PON1: variants seen among roughly 807,000 people sequenced by gnomAD.
The protein encoded by PON1 is serum paraoxonase/arylesterase 1.
In PON1, 37 loss-of-function variants were observed where a neutral mutation model predicts 39.2. The ratio of observed to expected loss-of-function variants is 0.94; its 90% confidence interval spans 0.73 to 1.24. The LOEUF (loss-of-function observed/expected upper bound fraction) is 1.24, where lower values mean the gene tolerates loss of function less well. Among genes scored for constraint, PON1 ranks in the 50% most tolerant of loss-of-function variants. PON1 has a pLI of 0.00. For missense variants in PON1, 397 were observed against 413.5 expected, an observed-to-expected ratio of 0.96 and a Z score of 0.35; for synonymous variants, 148 against 152.2, an observed-to-expected ratio of 0.97 and a Z score of 0.21.
chr7:95,313,760 T>C (rs1807706619), intron 4 of PON1, among the ~76,000 whole-genome samples: 1 of 151,980 alleles, frequency 6.6e-6, no homozygotes. Flanking sequence ...AAGTGTCCAG[T>C]AAGCACCTGC....
intron 7 of PON1, 136 bp from the exon 8 acceptor site, chr7:95,302,469 A>C: frequency 1.3e-6 from 1 of 742,876 alleles, no homozygotes; most frequent in Non-Finnish European, 2.2e-6. Context: ...ATTCTGCCCC[A>C]TTTCAATAAG....
At chr7:95,317,666 T>C (rs1376914625) in intron 2 of PON1, among the ~76,000 whole-genome samples, 1 of 151,854 alleles carries the variant, frequency 6.6e-6, no homozygotes, top group Non-Finnish European at 1.5e-5. Context: ...ACAAAGCTGG[T>C]TGGTTGGAAC....
At chr7:95,308,296 T>C (rs1480056548) in intron 5 of PON1, 85 bp from the exon 6 acceptor site, 1 of 1,303,152 alleles carries the variant, frequency 7.7e-7, no homozygotes, top group Non-Finnish European at 1.1e-6. Flanking sequence ...TCACTGTCTA[T>C]TCCTAAAATC....
rs1030918909 is a variant in PON1, at chr7:95,318,542, C to A, written c.75-149G>T. On this transcript the variant is annotated intron_variant, in intron 1 of 8. Transcript: ENST00000222381. ...TTTCCTGCAATTTTTCCAGGCAAGG[C>A]CAGGGCAAGACAAGTGGGGAACTCT... 14 of 693,212 alleles carry A rather than the reference C, an allele frequency of 2.0e-5. No homozygotes were observed. In the South Asian group the frequency reaches 2.2e-4, roughly 11 times the overall value. The allele number at this position is 693,212 out of a possible 1,614,324, so 42.9% of individuals were successfully genotyped here.
chr7:95,303,241 A>G (rs1807470950), intron 7 of PON1, among the ~76,000 whole-genome samples: 1 of 152,176 alleles, frequency 6.6e-6, no homozygotes. Context: ...TGTTCCTCAC[A>G]TGCCCAAGGA....
At chr7:95,323,931 G>A in intron 1 of PON1, among the ~76,000 whole-genome samples, 1 of 152,272 alleles carries the variant, frequency 6.6e-6, no homozygotes, top group East Asian at 1.9e-4. Flanking sequence ...GGGTCCACAC[G>A]CAGTTTTGCT....
chr7:95,320,382 G>A (rs1195815979), intron 1 of PON1, among the ~76,000 whole-genome samples: 3 of 152,206 alleles, frequency 2.0e-5, no homozygotes, highest in Non-Finnish European at 4.4e-5. Context: ...GGAGCCCAGG[G>A]TGGGCAAGGG....
At chr7:95,316,691 AG>A (rs1807775928) in intron 3 of PON1, 42 bp downstream of exon 3, 1 of 1,559,076 alleles carries the variant, frequency 6.4e-7, no homozygotes, top group African/African-American at 1.4e-5. Context: ...TGCCAGTCCT[AG>A]AAAACGTTCT....
chr7:95,315,443 T>G lies in PON1; in HGVS notation c.249A>C (p.Gly83=), dbSNP rs1331807479. 6.2e-7 allele frequency: 1 copy of G among 1,614,118 alleles called. No homozygotes were observed. Among genetic ancestry groups the G allele is most frequent in the Admixed American group, 1.7e-5 (1 of 60,018 alleles). ...CATTCAGGTCCATCAGAAGTATTTT[T>G]CCAGGACTGTTGGGGTTGAAGCTCT... The part of the protein sequence containing the change: ...GIKSFNPNSP[G]KILLMDLNEE... The change falls in exon 4 of 9, where the codon GGA becomes GGC. Residue 83 remains glycine (G), a synonymous_variant. Transcript: ENST00000222381.
At chr7:95,307,484 C>T (rs1339435885) in intron 6 of PON1, among the ~76,000 whole-genome samples, 2 of 152,184 alleles carry the variant, frequency 1.3e-5, no homozygotes, top group Non-Finnish European at 2.9e-5. Context: ...ATGCAGTCTC[C>T]AGACCAATGT....
At position 95,315,500 on chromosome 7, in the gene PON1, C is replaced by G. The variant is rs760475832; in HGVS notation, c.202-10G>C. On this transcript the variant is annotated splice_polypyrimidine_tract_variant and intron_variant, in intron 3 of 8. Coordinates refer to ENST00000222381, the MANE Select transcript of PON1 (RefSeq NM_000446.7). ...CAGGATACTTTAATCCCTTATAAAC[C>G]ATGGAGGAGAAAAATCAAGCACAAT... The G allele has an allele frequency of 1.2e-6, 2 of 1,613,148 alleles. No homozygotes were observed.
intron 4 of PON1, 119 bp from the exon 5 acceptor site, chr7:95,311,696 T>C: frequency 1.9e-6 from 2 of 1,062,086 alleles, no homozygotes; most frequent in Non-Finnish European, 2.8e-6. Context: ...GCAGATGGAA[T>C]ATTTTCATCT....
intron 6 of PON1, 137 bp downstream of exon 6, chr7:95,307,874 A>G (rs1807573524): frequency 5.5e-6 from 5 of 901,896 alleles, no homozygotes; most frequent in Non-Finnish European, 8.6e-6. Flanking sequence ...AAAAATTAAG[A>G]CATTTTACAT....
chr7:95,311,403 C>A lies in PON1; in HGVS notation c.497+48G>T, dbSNP rs372117570. 6.2e-6 allele frequency: 10 copies of A among 1,608,060 alleles called. No individual in the cohort carries two copies. In the South Asian group the frequency reaches 8.8e-5, roughly 14 times the overall value. The stretch of plus-strand genomic sequence containing the variant: ...AAAGGAAAAACTAAAAGTGGATTAA[C>A]TATCCGCTACAGCTAAAGGAAAATA... On this transcript the variant is annotated intron_variant, in intron 5 of 8. Transcript: ENST00000222381.
intron 1 of PON1, among the ~76,000 whole-genome samples, chr7:95,323,868 C>T (rs749858413): frequency 4.6e-5 from 7 of 152,152 alleles, no homozygotes; most frequent in East Asian, 1.9e-4. Flanking sequence ...CCCTCTTCCC[C>T]GCCTGCCCCC....
rs538917630 is a variant in PON1, at chr7:95,315,238, G to GA, written c.370+83dup. ...TCATGACTATGCTTTGTTTGAATGA[G>GA]AAAAAATAATTCATTTATTGGCATG... is the stretch of plus-strand genomic sequence containing the variant. On this transcript the variant is annotated intron_variant, in intron 4 of 8. Coordinates refer to ENST00000222381, the MANE Select transcript of PON1 (RefSeq NM_000446.7). The GA allele has an allele frequency of 4.1e-5, 52 of 1,261,838 alleles. No individual in the cohort carries two copies. The East Asian group carries it at 1.2e-3, about 30-fold the overall frequency. The allele number at this position is 1,261,838 out of a possible 1,614,324, so 78.2% of individuals were successfully genotyped here. A position where few individuals can be genotyped will look rare whatever the true frequency, so the allele number is the denominator to read the frequency against.
chr7:95,305,319 C>T (rs1249790756), intron 7 of PON1, among the ~76,000 whole-genome samples: 1 of 152,106 alleles, frequency 6.6e-6, no homozygotes, highest in East Asian at 1.9e-4. Flanking sequence ...TTTTCCTCTC[C>T]TTTGTGTTTT....
At chr7:95,302,548 G>T in intron 7 of PON1, 1 of 549,178 alleles carries the variant, frequency 1.8e-6, no homozygotes, top group Non-Finnish European at 3.2e-6. Context: ...GAATTGGGTA[G>T]GGTGAAGATA....
chr7:95,318,333 A>T lies in PON1; in HGVS notation c.135T>A (p.Val45=), dbSNP rs749300334. The part of the protein sequence containing the change: ...QPVELPNCNL[V]KGIETGSEDL... Reference sequence around the variant, plus strand: ...CTCTCACATACATACCGATTCCTTTAACTAAATTACAGTTAGGAAGTTCTA... The same window carrying T: ...CTCTCACATACATACCGATTCCTTTTACTAAATTACAGTTAGGAAGTTCTA... The change falls in exon 2 of 9, where the codon GTT becomes GTA. Residue 45 remains valine, a synonymous_variant. Coordinates refer to ENST00000222381, the MANE Select transcript of PON1 (RefSeq NM_000446.7). The T allele has an allele frequency of 1.1e-5, 17 of 1,606,794 alleles. 1 individual carries two copies. In the South Asian group the frequency reaches 1.8e-4, roughly 17 times the overall value.
Sources: gnomAD v4.1 joint callset for allele counts (sites outside exome capture counted in the v4.1 genomes callset) on GRCh38, gnomAD v4.1.1 for gene constraint, MANE v1.5 for transcripts, NCBI Gene and HGNC (gene_info 2026-07-23, HGNC 2026-07-21) for gene names.